The following TUBA8 variants were observed in gnomAD, a reference collection of about 807,000 sequenced individuals.
TUBA8 encodes tubulin alpha-8 chain.
TUBA8 carries 29 observed loss-of-function variants against 34.7 expected under a neutral mutation model. That is an observed-to-expected ratio of 0.84 (90% CI 0.62 to 1.14). The LOEUF (loss-of-function observed/expected upper bound fraction) is 1.14, where lower values mean the gene tolerates loss of function less well. Among genes scored for constraint, TUBA8 ranks in the 50% most tolerant of loss-of-function variants. TUBA8 has a pLI of 0.00. For missense variants in TUBA8, 541 were observed against 599.2 expected, an observed-to-expected ratio of 0.90 and a Z score of 1.01; for synonymous variants, 226 against 231.2, an observed-to-expected ratio of 0.98 and a Z score of 0.21.
At chr22:18,130,754 T>G in intron 4 of TUBA8, 89 bp from the exon 5 acceptor site, 1 of 1,572,892 alleles carries the variant, frequency 6.4e-7, no homozygotes. Context: ...CTTGAAGCCA[T>G]GCCAAGTGAC....
intron 1 of TUBA8, chr22:18,115,769 A>C (rs1927951203): frequency 6.6e-6 from 1 of 152,202 alleles, no homozygotes; most frequent in Non-Finnish European, 1.5e-5. Flanking sequence ...ACCACACAAA[A>C]AGATTTGCTG....
At position 18,111,123 on chromosome 22, in the gene TUBA8, G is replaced by A; in HGVS notation, c.3+255G>A. 1 of 597,774 alleles carries A rather than the reference G, an allele frequency of 1.7e-6. No homozygotes were observed. Among genetic ancestry groups the A allele is most frequent in the Non-Finnish European group, 2.9e-6 (1 of 342,322 alleles). 37.0% of individuals were successfully genotyped at this position (597,774 alleles called of 1,614,324 possible). A position where few individuals can be genotyped will look rare whatever the true frequency, so the allele number is the denominator to read the frequency against. On this transcript the variant is annotated intron_variant, in intron 1 of 4. Coordinates refer to ENST00000330423, the MANE Select transcript of TUBA8 (RefSeq NM_018943.3). This position sits in a 1 kb window ranked among gnomAD's most constrained non-coding sequence, Gnocchi z 5.1. ...TAAGGGAGCTTTGCGTGCAGACGAG[G>A]GGGAGGGAGGCCCTGGGGAGCCCGA... is the stretch of plus-strand genomic sequence containing the variant.
rs994865179 is a variant in TUBA8 at position 18,118,894 on chromosome 22, A to C, written c.4-2585A>C. 1 of 152,330 alleles carries C rather than the reference A, an allele frequency of 6.6e-6. No individual in the cohort carries two copies. The highest frequency in any genetic ancestry group is 2.4e-5 in the African/African-American group (1 of 41,546). 9.4% of individuals were successfully genotyped at this position (152,330 alleles called of 1,614,324 possible). On this transcript the variant is annotated intron_variant, in intron 1 of 4. Transcript: ENST00000330423. This position sits in a 1 kb window ranked among gnomAD's most constrained non-coding sequence, Gnocchi z 4.0. ...ATGCTAGTGGTTTTCAGGTCCCCCA[A>C]ATCCTTGACTCTTCCTCCCATGATC...
At chr22:18,113,649 C>T (rs1477229587) in intron 1 of TUBA8, 1 of 152,296 alleles carries the variant, frequency 6.6e-6, no homozygotes, top group Admixed American at 6.5e-5. Flanking sequence ...TCTGCAGTCT[C>T]CCCATGTAGA....
chr22:18,114,603 G>A (rs1315408035), intron 1 of TUBA8: 1 of 152,064 alleles, frequency 6.6e-6, no homozygotes, highest in Non-Finnish European at 1.5e-5. Context: ...CTGTGGGCCT[G>A]CTTTTCACTT....
chr22:18,124,731 T>G lies in TUBA8; in HGVS notation c.375+427T>G, dbSNP rs1928262395. The G allele has an allele frequency of 5.9e-6, 1 of 169,796 alleles. No individual in the cohort carries two copies. The highest frequency in any genetic ancestry group is 5.5e-5 in the Admixed American group (1 of 18,162). The allele number at this position is 169,796 out of a possible 1,614,324, so 10.5% of individuals were successfully genotyped here. ...TCATTTAATCCTTAATAATTAGACT[T>G]AGGAGGTGTCCTTCCTGTGCTTTAC... On this transcript the variant is annotated intron_variant, in intron 3 of 4. Transcript: ENST00000330423. The surrounding 1 kb of genome is among the most constrained non-coding windows in gnomAD (Gnocchi z 4.3).
At position 18,124,905 on chromosome 22, in the gene TUBA8, C is replaced by T. The variant is rs1158577145; in HGVS notation, c.375+601C>T. On this transcript the variant is annotated intron_variant, in intron 3 of 4. Transcript: ENST00000330423. The surrounding 1 kb of genome is among the most constrained non-coding windows in gnomAD (Gnocchi z 4.3). ...CTTTATTTATTTAAGCTTCCATTTG[C>T]TTATCTGTATAATGGAAAAGCTTGG... 3 of 152,850 alleles carry T rather than the reference C, an allele frequency of 2.0e-5. No homozygotes were observed. The highest frequency in any genetic ancestry group is 7.2e-5 in the African/African-American group (3 of 41,436). 9.5% of individuals were successfully genotyped at this position (152,850 alleles called of 1,614,324 possible).
rs1927778745 is a variant in TUBA8, at chr22:18,110,849, C to T, written c.-17C>T. The T allele has an allele frequency of 6.5e-7, 1 of 1,544,198 alleles. No homozygotes were observed. The highest frequency in any genetic ancestry group is 8.7e-7 in the Non-Finnish European group (1 of 1,150,896). On this transcript the variant is annotated 5_prime_UTR_variant, in exon 1 of 5. Transcript: ENST00000330423. This position sits in a 1 kb window ranked among gnomAD's most constrained non-coding sequence, Gnocchi z 6.2. ...CAGGCCCAGCTGAGAGGTGCGCGGG[C>T]GAGGACAGCGGCAGCGATGGTGAGG...
In TUBA8 at chr22:18,131,578, G is replaced by GC; in HGVS notation, c.*442_*443insC. 2.5e-5 allele frequency: 6 copies of GC among 243,338 alleles called. No individual in the cohort carries two copies. Among genetic ancestry groups the GC allele is most frequent in the South Asian group, 1.7e-4 (3 of 17,542 alleles). 15.1% of individuals were successfully genotyped at this position (243,338 alleles called of 1,614,324 possible). A position where few individuals can be genotyped will look rare whatever the true frequency, so the allele number is the denominator to read the frequency against. On this transcript the variant is annotated 3_prime_UTR_variant, in exon 5 of 5. Coordinates refer to ENST00000330423, the MANE Select transcript of TUBA8 (RefSeq NM_018943.3). This position sits in a 1 kb window ranked among gnomAD's most constrained non-coding sequence, Gnocchi z 5.3. ...ATGAGTGGGTCTATAGCCCGCTCCG[G>GC]GCATCATCTAGACTTAGCATGCATT...
intron 2 of TUBA8, chr22:18,123,637 A>C (rs368481718): frequency 3.6e-5 from 6 of 164,782 alleles, no homozygotes; most frequent in East Asian, 1.6e-4. Context: ...TGCAGTGGCA[A>C]GATCTCAGCT....
At chr22:18,122,716 G>A (rs981496838) in intron 2 of TUBA8, 2 of 152,042 alleles carry the variant, frequency 1.3e-5, no homozygotes, top group Non-Finnish European at 2.9e-5. Flanking sequence ...TGGAGTTGAG[G>A]GGTGGGACAA....
rs750288546 is a variant in TUBA8 at position 18,121,553 on chromosome 22, G to T, written c.78G>T (p.Leu26=). The T allele has an allele frequency of 1.4e-5, 23 of 1,614,202 alleles. No homozygotes were observed. The highest frequency in any genetic ancestry group is 1.9e-5 in the Non-Finnish European group (23 of 1,180,034). ...IGNACWELFC[L]EHGIQADGTF... ...ATGCCTGCTGGGAGCTCTTCTGCCT[G>T]GAACACGGCATCCAGGCAGACGGCA... The change falls in exon 2 of 5, where the codon CTG becomes CTT. Residue 26 remains leucine (L), a synonymous_variant. Coordinates refer to ENST00000330423, the MANE Select transcript of TUBA8 (RefSeq NM_018943.3). The surrounding 1 kb of genome is among the most constrained non-coding windows in gnomAD (Gnocchi z 4.8).
At position 18,121,588 on chromosome 22, in the gene TUBA8, C is replaced by T; in HGVS notation, c.113C>T (p.Ala38Val). The change falls in exon 2 of 5, where the codon GCT (alanine) becomes GTT (valine). Residue 38 changes from alanine to valine, a missense_variant. Transcript: ENST00000330423. The surrounding 1 kb of genome is among the most constrained non-coding windows in gnomAD (Gnocchi z 4.8). Reference sequence around the variant, plus strand: ...ATCCAGGCAGACGGCACTTTTGATGCTCAAGCTAGCAAGATCAACGATGAT... The same window carrying T: ...ATCCAGGCAGACGGCACTTTTGATGTTCAAGCTAGCAAGATCAACGATGAT... Reference protein sequence around the residue: ...HGIQADGTFDAQASKINDDDS... With the variant: ...HGIQADGTFDVQASKINDDDS... The T allele has an allele frequency of 6.2e-7, 1 of 1,614,204 alleles. No individual in the cohort carries two copies.
chr22:18,121,469 C>T lies in TUBA8; in HGVS notation c.4-10C>T, dbSNP rs774170260. On this transcript the variant is annotated splice_polypyrimidine_tract_variant and intron_variant, in intron 1 of 4. Transcript: ENST00000330423. This position sits in a 1 kb window ranked among gnomAD's most constrained non-coding sequence, Gnocchi z 4.8. ...GACTCTCTGACCTCGTTGCTTCCCT[C>T]TCCCCACAGCGGGAATGCATATCAG... is the stretch of plus-strand genomic sequence containing the variant. The T allele has an allele frequency of 2.0e-5, 32 of 1,613,248 alleles. No homozygotes were observed. Among genetic ancestry groups the T allele is most frequent in the Non-Finnish European group, 2.6e-5 (31 of 1,179,262 alleles).
In TUBA8 at chr22:18,118,107, C is replaced by T. The variant is rs1036352946; in HGVS notation, c.4-3372C>T. 2 of 152,216 alleles carry T rather than the reference C, an allele frequency of 1.3e-5. No individual in the cohort carries two copies. The highest frequency in any genetic ancestry group is 2.9e-5 in the Non-Finnish European group (2 of 68,052). The allele number at this position is 152,216 out of a possible 1,614,324, so 9.4% of individuals were successfully genotyped here. A position where few individuals can be genotyped will look rare whatever the true frequency, so the allele number is the denominator to read the frequency against. ...CTTAGGCTGGCGACCCTGGTAGTTA[C>T]GTCCCCCCTTGTGACTATAACAGTG... On this transcript the variant is annotated intron_variant, in intron 1 of 4. Transcript: ENST00000330423. The surrounding 1 kb of genome is among the most constrained non-coding windows in gnomAD (Gnocchi z 4.0).
At chr22:18,129,339 C>G (rs1318479473) in intron 4 of TUBA8, 1 of 152,118 alleles carries the variant, frequency 6.6e-6, no homozygotes, top group Non-Finnish European at 1.5e-5. Flanking sequence ...GGAGTTATGT[C>G]CTGAAGGATC....
chr22:18,128,199 A>T (rs542639409), intron 4 of TUBA8: 1 of 152,194 alleles, frequency 6.6e-6, no homozygotes, highest in Admixed American at 6.6e-5. Flanking sequence ...AGATACTTTT[A>T]TAGTTGTTCT....
intron 1 of TUBA8, chr22:18,113,608 G>T (rs1427557248): frequency 6.6e-6 from 1 of 152,270 alleles, no homozygotes; most frequent in Non-Finnish European, 1.5e-5. Flanking sequence ...GGGTTCTGGG[G>T]GCCAAATGGA....
chr22:18,125,454 GC>G (rs1311708630), intron 3 of TUBA8: 1 of 147,672 alleles, frequency 6.8e-6, no homozygotes, highest in Admixed American at 6.8e-5. Flanking sequence ...GGCGGAGTTT[GC>G]AGTGAACCAA....
Sources: allele counts gnomAD v4.1 joint callset, GRCh38; gene constraint gnomAD v4.1.1; non-coding constraint Gnocchi (gnomAD v3.1); transcripts MANE v1.5; gene names NCBI Gene and HGNC (gene_info 2026-07-23, HGNC 2026-07-21).